The following GRIP1 variants were observed in gnomAD, a reference collection of about 807,000 sequenced individuals.
The protein encoded by GRIP1 is glutamate receptor interacting protein 1, also known as glutamate receptor-interacting protein 1.
GRIP1 carries 45 observed loss-of-function variants against 129.9 expected under a neutral mutation model. That is an observed-to-expected ratio of 0.35 (90% CI 0.27 to 0.44). The LOEUF (loss-of-function observed/expected upper bound fraction) is 0.44, where lower values mean the gene tolerates loss of function less well. Ranked by LOEUF, GRIP1 falls within the 20% of genes least tolerant of loss-of-function variation. GRIP1 has a pLI of 1.00. For synonymous variants in GRIP1, 530 were observed against 520.8 expected (o/e 1.02, Z -0.24); for missense variants, 1,196 against 1,396.8 (o/e 0.86, Z 2.29).
intron 1 of GRIP1, among the ~76,000 whole-genome samples, chr12:66,695,655 G>A (rs1592751082): frequency 6.6e-6 from 1 of 152,204 alleles, no homozygotes. Flanking sequence ...AATTGAGGTT[G>A]ATAATCTTCG....
intron 1 of GRIP1, among the ~76,000 whole-genome samples, chr12:66,960,720 G>T (rs1035766990): frequency 1.3e-5 from 2 of 152,130 alleles, no homozygotes; most frequent in African/African-American, 2.4e-5. Context: ...ACAATTGGGG[G>T]CATCTAGTGA....
intron 2 of GRIP1, among the ~76,000 whole-genome samples, chr12:66,544,283 G>C (rs17102660): frequency 6.6e-6 from 1 of 151,666 alleles, no homozygotes; most frequent in Non-Finnish European, 1.5e-5. Context: ...CCAGTTAATT[G>C]AGTAATTTGT....
intron 1 of GRIP1, among the ~76,000 whole-genome samples, chr12:66,701,529 T>C (rs190174137): frequency 3.6e-4 from 55 of 152,282 alleles, no homozygotes; most frequent in Non-Finnish European, 6.9e-4. Context: ...ACAAGAAACA[T>C]ACCAGAATAA....
intron 1 of GRIP1, among the ~76,000 whole-genome samples, chr12:66,656,298 G>GT: frequency 6.6e-6 from 1 of 152,172 alleles, no homozygotes; most frequent in South Asian, 2.1e-4. Flanking sequence ...AGCCAACAGT[G>GT]TATTTTTTTC....
At chr12:66,977,807 ATTTTTTTTTTTT>A (rs200381983) in intron 1 of GRIP1, among the ~76,000 whole-genome samples, 10,656 of 60,826 alleles carry the variant, frequency 0.18, 550 homozygotes, top group Middle Eastern at 0.26. Context: ...AGAGCTGAGC[ATTTTTTTTTTTT>A]TTTTTTTTTT....
intron 1 of GRIP1, among the ~76,000 whole-genome samples, chr12:66,898,680 T>G (rs1289973252): frequency 6.6e-6 from 1 of 152,174 alleles, no homozygotes; most frequent in Non-Finnish European, 1.5e-5. Flanking sequence ...AATAAAAGCT[T>G]TATTTTGTTA....
intron 1 of GRIP1, among the ~76,000 whole-genome samples, chr12:67,014,425 A>G (rs570110515): frequency 1.6e-4 from 25 of 152,198 alleles, no homozygotes; most frequent in Non-Finnish European, 3.1e-4. Flanking sequence ...TGAAAACTGC[A>G]GAAAACAAGA....
chr12:66,718,296 A>T (rs1364434077), intron 1 of GRIP1, among the ~76,000 whole-genome samples: 2 of 152,160 alleles, frequency 1.3e-5, no homozygotes, highest in African/African-American at 4.8e-5. Flanking sequence ...TGTTGAGCCT[A>T]AAAACCTCCT....
chr12:66,707,913 A>G (rs1209687594), intron 1 of GRIP1, among the ~76,000 whole-genome samples: 1 of 152,084 alleles, frequency 6.6e-6, no homozygotes, highest in African/African-American at 2.4e-5. Flanking sequence ...GTTAAAAAAT[A>G]TAAGAAAGGC....
At chr12:66,957,601 G>T (rs1044717029) in intron 1 of GRIP1, among the ~76,000 whole-genome samples, 6 of 152,078 alleles carry the variant, frequency 3.9e-5, no homozygotes, top group African/African-American at 1.2e-4. Flanking sequence ...TTTTGCAAAT[G>T]TCCCTCCATT....
chr12:66,714,175 T>C (rs1306397348), intron 1 of GRIP1, among the ~76,000 whole-genome samples: 1 of 152,068 alleles, frequency 6.6e-6, no homozygotes, highest in Admixed American at 6.6e-5. Flanking sequence ...AATCCACCCA[T>C]GATTTCAGTT....
At chr12:66,688,297 C>T (rs1009776075) in intron 1 of GRIP1, among the ~76,000 whole-genome samples, 4 of 152,106 alleles carry the variant, frequency 2.6e-5, no homozygotes, top group Admixed American at 6.6e-5. Context: ...ACAGTTCTAC[C>T]ATTCTGTTAC....
upstream of GRIP1, among the ~76,000 whole-genome samples, chr12:66,683,036 T>C (rs192775445): frequency 2.6e-5 from 4 of 152,192 alleles, no homozygotes; most frequent in Admixed American, 2.6e-4. Flanking sequence ...GTATTGAATA[T>C]ACTGATCCCC....
chr12:66,705,182 T>A lies in GRIP1; in HGVS notation c.-419-74846A>T, dbSNP rs75655157. On this transcript the variant is annotated intron_variant, in intron 1 of 4. Coordinates refer to the GRIP1 transcript ENST00000538373. Reference sequence around the variant, plus strand: ...TTTTATGGGACTTTTCTATTAAGAATAACAGCAATGGAAGCCATTCAAAAC... The same window carrying A: ...TTTTATGGGACTTTTCTATTAAGAAAAACAGCAATGGAAGCCATTCAAAAC... Among the ~76,000 whole-genome samples, 1,082 of 152,232 alleles carry A rather than the reference T, an allele frequency of 7.1e-3. 15 individuals carry two copies. The highest frequency in any genetic ancestry group is 0.024 in the African/African-American group (1,004 of 41,550).
intron 4 of GRIP1, among the ~76,000 whole-genome samples, chr12:66,533,887 ACTCT>A (rs71436010): frequency 2.8e-4 from 42 of 148,046 alleles, no homozygotes; most frequent in South Asian, 1.1e-3. Context: ...ACATACACAC[ACTCT>A]CTCTCTCTCT....
At chr12:66,935,768 T>C (rs571260499) in intron 1 of GRIP1, among the ~76,000 whole-genome samples, 4 of 152,082 alleles carry the variant, frequency 2.6e-5, no homozygotes, top group East Asian at 3.9e-4. Flanking sequence ...AACAGTGAGA[T>C]TGGTTACAGC....
chr12:66,951,438 G>C (rs1345084085), intron 1 of GRIP1, among the ~76,000 whole-genome samples: 1 of 152,158 alleles, frequency 6.6e-6, no homozygotes, highest in Non-Finnish European at 1.5e-5. Flanking sequence ...CAGAAAGAAT[G>C]AACATGTGGC....
At chr12:66,943,513 TAC>T (rs1171575044) in intron 1 of GRIP1, among the ~76,000 whole-genome samples, 26 of 152,202 alleles carry the variant, frequency 1.7e-4, no homozygotes, top group African/African-American at 6.3e-4. Context: ...GCATTAAAAA[TAC>T]AGTTTCATGT....
chr12:66,550,849 G>T (rs2062101481), intron 2 of GRIP1, among the ~76,000 whole-genome samples: 1 of 152,178 alleles, frequency 6.6e-6, no homozygotes, highest in Non-Finnish European at 1.5e-5. Flanking sequence ...TCCTAAGCAT[G>T]ATGGCCTGAG....
Sources: gnomAD v4.1 joint callset for allele counts (sites outside exome capture counted in the v4.1 genomes callset) on GRCh38, gnomAD v4.1.1 for gene constraint, MANE v1.5 for transcripts, NCBI Gene and HGNC (gene_info 2026-07-23, HGNC 2026-07-21) for gene names.